NCAM2: variants seen among roughly 807,000 people sequenced by gnomAD.
NCAM2 encodes neural cell adhesion molecule 2, also known as N-CAM-2.
A neutral mutation model predicts 98.1 loss-of-function variants in NCAM2; 30 were observed. The observed-to-expected ratio is 0.31, with a 90% CI of 0.23 to 0.41. The LOEUF (loss-of-function observed/expected upper bound fraction) is 0.41, where lower values mean the gene tolerates loss of function less well. Among genes scored for constraint, NCAM2 ranks in the 10% least tolerant of loss-of-function variants. NCAM2 has a pLI of 1.00. For synonymous variants in NCAM2, 368 were observed against 342.4 expected (o/e 1.07, Z -0.83); for missense variants, 867 against 1,005.8 (o/e 0.86, Z 1.87).
At chr21:21,128,090 T>C (rs536037429) in intron 1 of NCAM2, among the ~76,000 whole-genome samples, 1 of 152,236 alleles carries the variant, frequency 6.6e-6, no homozygotes, top group East Asian at 1.9e-4. Flanking sequence ...AAAGGAAATA[T>C]TACATATTAC....
At chr21:21,489,354 C>A (rs1986660545) in intron 15 of NCAM2, among the ~76,000 whole-genome samples, 1 of 151,972 alleles carries the variant, frequency 6.6e-6, no homozygotes, top group African/African-American at 2.4e-5. Flanking sequence ...TCTTCTAATG[C>A]TTTATTTTTA....
intron 1 of NCAM2, among the ~76,000 whole-genome samples, chr21:21,112,671 G>A (rs565763387): frequency 1.3e-3 from 202 of 152,134 alleles, no homozygotes; most frequent in Non-Finnish European, 2.1e-3. Context: ...AACTTTTATC[G>A]GTCTGTCACC....
intron 1 of NCAM2, among the ~76,000 whole-genome samples, chr21:21,190,747 A>G (rs934906449): frequency 1.3e-5 from 2 of 152,268 alleles, no homozygotes; most frequent in Non-Finnish European, 2.9e-5. Context: ...GACTTTGGAC[A>G]ACTTTTATTT....
intron 9 of NCAM2, among the ~76,000 whole-genome samples, chr21:21,404,366 A>G (rs2076693998): frequency 6.6e-6 from 1 of 152,120 alleles, no homozygotes; most frequent in African/African-American, 2.4e-5. Context: ...GCAGAGCATA[A>G]TTGAATCACA....
chr21:21,272,986 C>CAT (rs2072585153), intron 1 of NCAM2, among the ~76,000 whole-genome samples: 1 of 1,532 alleles, frequency 6.5e-4, no homozygotes. Context: ...CACACACATA[C>CAT]ACACACACAC....
chr21:21,082,192 C>T (rs1458496044), intron 1 of NCAM2, among the ~76,000 whole-genome samples: 7 of 143,608 alleles, frequency 4.9e-5, no homozygotes, highest in Non-Finnish European at 7.4e-5. Flanking sequence ...TGTGCCAGTG[C>T]ACTCCAGCCT....
chr21:21,356,984 CATCA>C lies in NCAM2; in HGVS notation c.1045-16876_1045-16873del, dbSNP rs200229525. Among the ~76,000 whole-genome samples, 33 of 73,576 alleles carry C rather than the reference CATCA, an allele frequency of 4.5e-4. No individual in the cohort carries two copies. In the East Asian group the frequency reaches 0.011, roughly 24 times the overall value. The allele number at this position is 73,576 out of a possible 152,430, so 48.3% of individuals were successfully genotyped here. A position where few individuals can be genotyped will look rare whatever the true frequency, so the allele number is the denominator to read the frequency against. ...AGCCTGGGAAACAAGAGCGAAACTC[CATCA>C]ATAAATAAATAAATAAATAAATAAA... is the stretch of plus-strand genomic sequence containing the variant. On this transcript the variant is annotated intron_variant, in intron 8 of 17. Transcript: ENST00000400546.
At chr21:21,125,678 AG>A (rs1399558238) in intron 1 of NCAM2, among the ~76,000 whole-genome samples, 1 of 126,268 alleles carries the variant, frequency 7.9e-6, no homozygotes, top group Non-Finnish European at 1.6e-5. Context: ...CTATATATAG[AG>A]ATATATATGT....
intron 1 of NCAM2, among the ~76,000 whole-genome samples, chr21:21,059,578 T>A (rs575996301): frequency 2.0e-5 from 3 of 152,246 alleles, no homozygotes; most frequent in East Asian, 3.9e-4. Flanking sequence ...TACATATTAA[T>A]CTAGACTTCA....
intron 1 of NCAM2, among the ~76,000 whole-genome samples, chr21:21,012,010 G>A (rs1042459688): frequency 3.9e-5 from 6 of 152,070 alleles, no homozygotes; most frequent in Admixed American, 6.6e-5. Context: ...GAGAAGCTTC[G>A]TGCATTGTTT....
At chr21:21,214,263 T>C (rs1278327030) in intron 1 of NCAM2, among the ~76,000 whole-genome samples, 1 of 152,164 alleles carries the variant, frequency 6.6e-6, no homozygotes, top group Non-Finnish European at 1.5e-5. Context: ...AGATTGAGAT[T>C]GTGGAAATAA....
At chr21:21,095,771 A>G (rs2066109664) in intron 1 of NCAM2, among the ~76,000 whole-genome samples, 1 of 151,642 alleles carries the variant, frequency 6.6e-6, no homozygotes, top group African/African-American at 2.4e-5. Context: ...TTGCATATCA[A>G]CTTTTACTTT....
chr21:21,151,417 T>A (rs1482565209), intron 1 of NCAM2, among the ~76,000 whole-genome samples: 3 of 152,096 alleles, frequency 2.0e-5, no homozygotes, highest in Non-Finnish European at 4.4e-5. Context: ...TAGTGTATTA[T>A]TAATGGTTAT....
At chr21:21,153,528 A>ATTC (rs1345688369) in intron 1 of NCAM2, among the ~76,000 whole-genome samples, 2 of 151,920 alleles carry the variant, frequency 1.3e-5, no homozygotes, top group Non-Finnish European at 2.9e-5. Flanking sequence ...TATTTAAATG[A>ATTC]ACGTTTGGAG....
chr21:21,530,289 T>C (rs1380702131), intron 16 of NCAM2, among the ~76,000 whole-genome samples: 5 of 126,338 alleles, frequency 4.0e-5, no homozygotes, highest in East Asian at 2.2e-4. Context: ...TTAATTTAAT[T>C]ATATATAATT....
chr21:21,533,652 T>G (rs1486152159), intron 16 of NCAM2, among the ~76,000 whole-genome samples: 1 of 151,120 alleles, frequency 6.6e-6, no homozygotes, highest in Non-Finnish European at 1.5e-5. Flanking sequence ...TCTTTAGTTT[T>G]TTTTTTTTTT....
chr21:21,178,659 T>A (rs1373342987), intron 1 of NCAM2, among the ~76,000 whole-genome samples: 1 of 152,032 alleles, frequency 6.6e-6, no homozygotes, highest in Admixed American at 6.6e-5. Context: ...TTTTAATGTA[T>A]GTTAGAATTA....
At chr21:21,111,486 C>T (rs1383705508) in intron 1 of NCAM2, among the ~76,000 whole-genome samples, 1 of 152,066 alleles carries the variant, frequency 6.6e-6, no homozygotes, top group Admixed American at 6.6e-5. Context: ...AGATCGAAGA[C>T]TGAGATGGAG....
chr21:21,481,198 G>C (rs1985851318), intron 15 of NCAM2, among the ~76,000 whole-genome samples: 1 of 152,156 alleles, frequency 6.6e-6, no homozygotes, highest in Non-Finnish European at 1.5e-5. Flanking sequence ...GATTTCCAGA[G>C]AATATTTCTT....
Sources: gnomAD v4.1 joint callset for allele counts (sites outside exome capture counted in the v4.1 genomes callset) on GRCh38, gnomAD v4.1.1 for gene constraint, MANE v1.5 for transcripts, NCBI Gene and HGNC (gene_info 2026-07-23, HGNC 2026-07-21) for gene names.